Variants in MSL1 observed in about 807,000 individuals in gnomAD.
MSL1 encodes male-specific lethal 1 homolog.
A neutral mutation model predicts 64.6 loss-of-function variants in MSL1; 21 were observed. That is an observed-to-expected ratio of 0.33 (90% CI 0.23 to 0.47). The LOEUF is 0.47. MSL1 is among the 20% of genes least tolerant of loss of function. The pLI is 1.00. For synonymous variants in MSL1, 339 were observed against 329.6 expected (o/e 1.03, Z -0.31); for missense variants, 664 against 793.2 (o/e 0.84, Z 1.96).
rs183067679 is a variant in MSL1, at chr17:40,123,129, C to T, written c.517C>T (p.Pro173Ser). Residue 173 changes from proline to serine, a missense_variant, in exon 1 of 9, where the codon CCA (proline) becomes TCA (serine). Physicochemically the swap from Pro to Ser is moderately conservative, Grantham distance 74 (BLOSUM62 -1). Transcript: ENST00000398532. ...CACCGCCTCGGACCCGGCGGGACCC[C>T]CACCACTACCTCTGCCCGGGCCGCC... ...AATASDPAGP[P>S]PLPLPGPPPL... The T allele has an allele frequency of 8.5e-6, 13 of 1,532,410 alleles. 1 individual carries two copies. Among genetic ancestry groups the T allele is most frequent in the Middle Eastern group, 1.8e-4 (1 of 5,564 alleles). 94.9% of individuals were successfully genotyped at this position (1,532,410 alleles called of 1,614,324 possible).
chr17:40,128,288 T>C (rs1988365897), intron 2 of MSL1, among the ~76,000 whole-genome samples: 1 of 151,602 alleles, frequency 6.6e-6, no homozygotes, highest in African/African-American at 2.4e-5. Context: ...GGAAAGAGAC[T>C]GATCTCTGGA....
At chr17:40,126,572 G>T (rs529702316) in intron 2 of MSL1, 166 bp downstream of exon 2, 2 of 636,278 alleles carry the variant, frequency 3.1e-6, no homozygotes, top group East Asian at 5.6e-5. Flanking sequence ...ACTTTGGGAG[G>T]CCAAGGCGGG....
rs1208641496 is a variant in MSL1 at position 40,122,596 on chromosome 17, C to T, written c.-17C>T. The T allele has an allele frequency of 5.6e-6, 8 of 1,429,742 alleles. No individual in the cohort carries two copies. The highest frequency in any genetic ancestry group is 2.8e-5 in the Admixed American group (1 of 35,334). The allele number at this position is 1,429,742 out of a possible 1,614,324, so 88.6% of individuals were successfully genotyped here. On this transcript the variant is annotated 5_prime_UTR_variant, in exon 1 of 9. Coordinates refer to ENST00000398532, the MANE Select transcript of MSL1 (RefSeq NM_001365919.1). The surrounding 1 kb of genome is among the most constrained non-coding windows in gnomAD (Gnocchi z 4.2). ...CCCCCTCCTCCGCCTCGGTGCCCGG[C>T]GCTGCTCCGGACCACTATGACCATG... is the stretch of plus-strand genomic sequence containing the variant.
chr17:40,133,505 CTTTGT>C (rs763922461), intron 6 of MSL1, 24 bp from the exon 7 acceptor site: 4 of 1,594,638 alleles, frequency 2.5e-6, no homozygotes, highest in African/African-American at 1.3e-5. Context: ...TGTTGGGTTT[CTTTGT>C]TTTGTTTGGT....
chr17:40,135,851 G>A lies in MSL1; in HGVS notation c.*1482G>A, dbSNP rs1371360607. The A allele has an allele frequency of 6.6e-6, 1 of 152,282 alleles. No individual in the cohort carries two copies. Among genetic ancestry groups the A allele is most frequent in the Admixed American group, 6.6e-5 (1 of 15,258 alleles). 9.4% of individuals were successfully genotyped at this position (152,282 alleles called of 1,614,324 possible). ...CTTATTTCTCCTTTTGTGTGTGTGT[G>A]TGTGTGTGTGTGGCTATGGGTTTTC... On this transcript the variant is annotated 3_prime_UTR_variant, in exon 9 of 9. Transcript: ENST00000398532.
intron 5 of MSL1, 29 bp from the exon 6 acceptor site, chr17:40,133,013 T>C: frequency 6.3e-7 from 1 of 1,592,720 alleles, no homozygotes. Flanking sequence ...TGGTGATAAA[T>C]AGCTTATCAG....
Position 40,133,121 on chromosome 17 carries a change from G to C in MSL1, c.1556+12G>C, listed in dbSNP as rs1281946402. The C allele has an allele frequency of 1.2e-6, 2 of 1,600,246 alleles. No homozygotes were observed. The highest frequency in any genetic ancestry group is 1.3e-5 in the African/African-American group (1 of 74,690). The stretch of plus-strand genomic sequence containing the variant: ...AAGAGAAGGAAAAGGTGAGGCCAGA[G>C]ATGTCCATCCTGGAAACAACTGAGC... On this transcript the variant is annotated intron_variant, in intron 6 of 8. Coordinates refer to ENST00000398532, the MANE Select transcript of MSL1 (RefSeq NM_001365919.1).
Position 40,122,930 on chromosome 17 carries a change from C to T in MSL1, c.318C>T (p.Pro106=). 4 of 1,519,238 alleles carry T rather than the reference C, an allele frequency of 2.6e-6. 1 individual carries two copies. The South Asian group carries it at 3.6e-5, about 14-fold the overall frequency. The allele number at this position is 1,519,238 out of a possible 1,614,324, so 94.1% of individuals were successfully genotyped here. ...WGGSVPLPCP[P]PATKQAGIGG... is the part of the protein sequence containing the mutation. ...GTTCGGTGCCCTTGCCCTGTCCGCC[C>T]CCGGCCACCAAGCAAGCCGGCATTG... The change falls in exon 1 of 9, where the codon CCC becomes CCT. Residue 106 remains proline, a synonymous_variant. Transcript: ENST00000398532. The surrounding 1 kb of genome is among the most constrained non-coding windows in gnomAD (Gnocchi z 4.2).
At chr17:40,126,981 G>A (rs2145130025) in intron 2 of MSL1, 1 of 153,022 alleles carries the variant, frequency 6.5e-6, no homozygotes, top group East Asian at 1.9e-4. Context: ...AACTATAGCA[G>A]TTCACTTCAA....
chr17:40,132,180 T>G (rs1988450571), intron 5 of MSL1, 82 bp downstream of exon 5: 1 of 937,774 alleles, frequency 1.1e-6, no homozygotes, highest in African/African-American at 1.7e-5. Flanking sequence ...GTCATAGTAC[T>G]ATGGATGAAT....
Position 40,131,394 on chromosome 17 carries a change from C to T in MSL1, c.1376-143C>T, listed in dbSNP as rs1988434122. 1.0e-5 allele frequency: 7 copies of T among 673,924 alleles called. No homozygotes were observed. The highest frequency in any genetic ancestry group is 1.6e-5 in the Non-Finnish European group (6 of 385,704). 41.7% of individuals were successfully genotyped at this position (673,924 alleles called of 1,614,324 possible). Reference sequence around the variant, plus strand: ...GTCTGTTGTTCCCTCTTCCCCTCCCCCAGAGAGAAATTCTCAAAAGAACAA... The same window carrying T: ...GTCTGTTGTTCCCTCTTCCCCTCCCTCAGAGAGAAATTCTCAAAAGAACAA... On this transcript the variant is annotated intron_variant, in intron 3 of 8. Coordinates refer to ENST00000398532, the MANE Select transcript of MSL1 (RefSeq NM_001365919.1). This position sits in a 1 kb window ranked among gnomAD's most constrained non-coding sequence, Gnocchi z 4.5.
rs1988491045 is a variant in MSL1 at position 40,133,912 on chromosome 17, T to C, written c.1754+13T>C. On this transcript the variant is annotated intron_variant, in intron 8 of 8. Transcript: ENST00000398532. ...AATTAACTCCACAGTAAGTATACAT[T>C]TTTTTTCTCCCCTTCCAGGTAACCT... 6.2e-7 allele frequency: 1 copy of C among 1,610,450 alleles called. No individual in the cohort carries two copies. The highest frequency in any genetic ancestry group is 1.3e-5 in the African/African-American group (1 of 74,802).
Position 40,131,712 on chromosome 17 carries a change from CACT to C in MSL1, c.1423+133_1423+135del. 1 of 875,018 alleles carries C rather than the reference CACT, an allele frequency of 1.1e-6. No homozygotes were observed. Among genetic ancestry groups the C allele is most frequent in the South Asian group, 1.3e-5 (1 of 74,410 alleles). 54.2% of individuals were successfully genotyped at this position (875,018 alleles called of 1,614,324 possible). On this transcript the variant is annotated intron_variant, in intron 4 of 8. Coordinates refer to ENST00000398532, the MANE Select transcript of MSL1 (RefSeq NM_001365919.1). The surrounding 1 kb of genome is among the most constrained non-coding windows in gnomAD (Gnocchi z 4.5). Reference sequence around the variant, plus strand: ...AGATTTCTTGGTGTATGATTGATTACACTACTATAGACTTCAAAATGACAACAA... The same window carrying C: ...AGATTTCTTGGTGTATGATTGATTACACTATAGACTTCAAAATGACAACAA...
At chr17:40,133,282 CGG>C in intron 6 of MSL1, 173 bp downstream of exon 6, 1 of 745,506 alleles carries the variant, frequency 1.3e-6, no homozygotes, top group Non-Finnish European at 2.2e-6. Context: ...GTAGTTGTTG[CGG>C]TAAACATGTT....
chr17:40,129,330 A>C lies in MSL1; in HGVS notation c.1078A>C (p.Lys360Gln). The C allele has an allele frequency of 6.2e-7, 1 of 1,607,350 alleles. No homozygotes were observed. The change falls in exon 3 of 9, where the codon AAG becomes CAG. Residue 360 changes from lysine to glutamine, a missense_variant. By Grantham distance (53) the Lys-to-Gln change is moderately conservative. Around this residue, in one of 4 missense-constraint regions of MSL1, gnomAD observed 466 missense variants for 499.0 expected, o/e 0.93. Coordinates refer to ENST00000398532, the MANE Select transcript of MSL1 (RefSeq NM_001365919.1). ...TTCAAAAGTCAAAACAAAAACTCCT[A>C]AGCACTCTCCTATTAAAGAGGAACC... is the stretch of plus-strand genomic sequence containing the variant. ...EFSKVKTKTP[K>Q]HSPIKEEPCG...
intron 1 of MSL1, among the ~76,000 whole-genome samples, chr17:40,125,850 G>C (rs1026306726): frequency 2.0e-5 from 3 of 152,182 alleles, no homozygotes; most frequent in Non-Finnish European, 2.9e-5. Flanking sequence ...GAACCAACTT[G>C]GAGCCACACA....
intron 1 of MSL1, among the ~76,000 whole-genome samples, chr17:40,125,653 A>G (rs1162312506): frequency 2.6e-5 from 4 of 152,188 alleles, no homozygotes; most frequent in Admixed American, 1.3e-4. Flanking sequence ...TCTACTAAAA[A>G]TACAAAAATT....
rs899664097 is a variant in MSL1 at position 40,129,457 on chromosome 17, C to G, written c.1205C>G (p.Thr402Ser). 6.2e-7 allele frequency: 1 copy of G among 1,613,672 alleles called. No homozygotes were observed. Among genetic ancestry groups the G allele is most frequent in the African/African-American group, 1.3e-5 (1 of 74,884 alleles). The change falls in exon 3 of 9, where the codon ACT becomes AGT. Residue 402 changes from threonine (T) to serine (S), a missense_variant. This residue lies in a region of MSL1 where 119 missense variants were observed against 164.3 expected (regional missense o/e 0.72). Transcript: ENST00000398532. ...GTGGACACCCCACCAAGACTCTCCA[C>G]TCCCCAAAAGGGACCCAGCACCCAT... is the stretch of plus-strand genomic sequence containing the variant. The part of the protein sequence containing the change: ...SSVDTPPRLS[T>S]PQKGPSTHPK...
chr17:40,133,208 T>C (rs1187880186), intron 6 of MSL1, 99 bp downstream of exon 6: 2 of 1,110,356 alleles, frequency 1.8e-6, no homozygotes, highest in Non-Finnish European at 2.6e-6. Flanking sequence ...GTGGAGAATC[T>C]TGGAGTGCTT....
Sources: gnomAD v4.1 joint callset for allele counts (sites outside exome capture counted in the v4.1 genomes callset) on GRCh38, gnomAD v4.1.1 for gene constraint, gnomAD v4.1.1 regional missense constraint, Gnocchi (gnomAD v3.1) non-coding constraint, MANE v1.5 for transcripts, NCBI Gene and HGNC (gene_info 2026-07-23, HGNC 2026-07-21) for gene names.